Variants in PIKFYVE observed in about 807,000 individuals in gnomAD.
The protein encoded by PIKFYVE is 1-phosphatidylinositol 3-phosphate 5-kinase.
Under a neutral mutation model 257.9 loss-of-function variants are expected in PIKFYVE, and 122 were observed. The ratio of observed to expected loss-of-function variants is 0.47; its 90% confidence interval spans 0.41 to 0.55. PIKFYVE has a LOEUF of 0.55. Among genes scored for constraint, PIKFYVE ranks in the 20% least tolerant of loss-of-function variants. The probability of loss-of-function intolerance (pLI) is 0.00; values close to 1 mark genes in which losing one functional copy is unlikely to be tolerated. For missense variants in PIKFYVE, 2,160 were observed against 2,536.6 expected (o/e 0.85, Z 3.19); for synonymous variants, 892 against 868.9 (o/e 1.03, Z -0.47).
intron 12 of PIKFYVE, among the ~76,000 whole-genome samples, chr2:208,308,800 C>T (rs953843858): frequency 3.3e-5 from 5 of 151,718 alleles, no homozygotes; most frequent in African/African-American, 4.8e-5. Flanking sequence ...CTCCGCCTTC[C>T]GGGTTAAAGT....
At chr2:208,302,038 G>A (rs899371101) in intron 9 of PIKFYVE, among the ~76,000 whole-genome samples, 4 of 152,088 alleles carry the variant, frequency 2.6e-5, no homozygotes, top group African/African-American at 4.8e-5. Flanking sequence ...CTTACCAGTA[G>A]TTTCTTCTCC....
chr2:208,336,853 C>T lies in PIKFYVE; in HGVS notation c.4536C>T (p.Phe1512=), dbSNP rs1415693827. ...TTGGCCACAGGTTGCAGGACCTTTT[C>T]CAACAGGAAAAGGGTAGAAAGAGAC... ...QAWNNRLQDL[F]QQEKGRKRPS... The change falls in exon 28 of 42, where the codon TTC becomes TTT. Residue 1512 remains phenylalanine (F), a synonymous_variant. Transcript: ENST00000264380. The T allele has an allele frequency of 6.2e-7, 1 of 1,612,546 alleles. No individual in the cohort carries two copies. The highest frequency in any genetic ancestry group is 1.3e-5 in the African/African-American group (1 of 74,808).
Position 208,355,890 on chromosome 2 carries a change from T to C in PIKFYVE, c.*585T>C, listed in dbSNP as rs1348816427. 6.5e-6 allele frequency: 1 copy of C among 152,720 alleles called. No individual in the cohort carries two copies. Among genetic ancestry groups the C allele is most frequent in the Non-Finnish European group, 1.5e-5 (1 of 68,100 alleles). The allele number at this position is 152,720 out of a possible 1,614,324, so 9.5% of individuals were successfully genotyped here. The stretch of plus-strand genomic sequence containing the variant: ...GGAATCCTGTCATGTTGTTTATCTT[T>C]CCAGCTTGCCTGTTTTTGAGTATGT... On this transcript the variant is annotated 3_prime_UTR_variant, in exon 42 of 42. Coordinates refer to ENST00000264380, the MANE Select transcript of PIKFYVE (RefSeq NM_015040.4).
At chr2:208,341,433 A>G (rs1370557532) in intron 31 of PIKFYVE, among the ~76,000 whole-genome samples, 1 of 151,032 alleles carries the variant, frequency 6.6e-6, no homozygotes, top group Non-Finnish European at 1.5e-5. Flanking sequence ...CTTCCCCCTT[A>G]CCTCCTGCTC....
chr2:208,335,607 A>G (rs553783367), intron 25 of PIKFYVE, among the ~76,000 whole-genome samples, 186 bp from the exon 26 acceptor site: 18 of 152,348 alleles, frequency 1.2e-4, no homozygotes, highest in African/African-American at 3.6e-4. Flanking sequence ...TCTTTTAGAC[A>G]TAACAACTTA....
intron 17 of PIKFYVE, among the ~76,000 whole-genome samples, chr2:208,321,240 A>G (rs1391005446): frequency 6.6e-6 from 1 of 152,208 alleles, no homozygotes; most frequent in Non-Finnish European, 1.5e-5. Flanking sequence ...TGTATATTAT[A>G]TTATAGTGGA....
At chr2:208,348,868 G>A (rs1699492636) in intron 35 of PIKFYVE, among the ~76,000 whole-genome samples, 2 of 151,766 alleles carry the variant, frequency 1.3e-5, no homozygotes, top group Non-Finnish European at 2.9e-5. Context: ...CCGTGAATTA[G>A]TAGTTTTAAA....
chr2:208,296,176 T>C (rs1341121211), intron 7 of PIKFYVE, among the ~76,000 whole-genome samples: 2 of 152,182 alleles, frequency 1.3e-5, no homozygotes, highest in African/African-American at 4.8e-5. Flanking sequence ...GGCTAATTTT[T>C]GTATTTTTAA....
At chr2:208,305,630 T>C (rs1472672976) in intron 12 of PIKFYVE, 5 of 379,798 alleles carry the variant, frequency 1.3e-5, no homozygotes, top group African/African-American at 2.2e-5. Context: ...TCAAAAGATA[T>C]TTGGTGTAAA....
intron 32 of PIKFYVE, among the ~76,000 whole-genome samples, chr2:208,343,316 C>CT (rs1420722038): frequency 6.6e-6 from 1 of 152,118 alleles, no homozygotes; most frequent in Non-Finnish European, 1.5e-5. Flanking sequence ...ATCTGAATAT[C>CT]TTTTTTGTAC....
intron 3 of PIKFYVE, among the ~76,000 whole-genome samples, chr2:208,275,536 AG>A (rs1689990519): frequency 6.6e-6 from 1 of 152,218 alleles, no homozygotes; most frequent in East Asian, 1.9e-4. Context: ...AACACATCTG[AG>A]GTATGTGCTA....
chr2:208,328,415 T>G (rs916627962), intron 21 of PIKFYVE, 135 bp downstream of exon 21: 4 of 1,047,352 alleles, frequency 3.8e-6, no homozygotes, highest in Admixed American at 2.1e-5. Flanking sequence ...TATGAATTGA[T>G]AGAACTTTTA....
At chr2:208,313,239 A>G (rs894172904) in intron 13 of PIKFYVE, among the ~76,000 whole-genome samples, 7 of 152,116 alleles carry the variant, frequency 4.6e-5, no homozygotes, top group African/African-American at 1.7e-4. Flanking sequence ...TTTAGTGAAC[A>G]TATTTTTTTG....
intron 5 of PIKFYVE, among the ~76,000 whole-genome samples, chr2:208,279,047 C>T (rs2125074842): frequency 6.6e-6 from 1 of 152,296 alleles, no homozygotes; most frequent in East Asian, 1.9e-4. Flanking sequence ...ATTCTCTTTT[C>T]TCTGCAGCTT....
intron 9 of PIKFYVE, among the ~76,000 whole-genome samples, chr2:208,301,640 C>G (rs1184141670): frequency 6.6e-6 from 1 of 152,082 alleles, no homozygotes; most frequent in East Asian, 1.9e-4. Flanking sequence ...GCAGTAAAGC[C>G]CTGGTTGCAA....
chr2:208,340,719 C>T (rs1574713912), intron 31 of PIKFYVE, among the ~76,000 whole-genome samples: 1 of 152,112 alleles, frequency 6.6e-6, no homozygotes, highest in Admixed American at 6.5e-5. Context: ...TATTAACTGA[C>T]TTACATATTT....
At chr2:208,315,003 T>C (rs188992832) in intron 14 of PIKFYVE, among the ~76,000 whole-genome samples, 190 bp from the exon 15 acceptor site, 2 of 152,306 alleles carry the variant, frequency 1.3e-5, no homozygotes, top group East Asian at 1.9e-4. Context: ...GTGGAAGATA[T>C]TCAGATTTCA....
intron 31 of PIKFYVE, among the ~76,000 whole-genome samples, chr2:208,340,820 G>A (rs559672630): frequency 9.9e-5 from 15 of 152,128 alleles, no homozygotes; most frequent in African/African-American, 3.6e-4. Flanking sequence ...TCACTCTTAG[G>A]AGCTCATAAT....
intron 2 of PIKFYVE, among the ~76,000 whole-genome samples, chr2:208,271,954 G>C (rs1277531189): frequency 6.6e-6 from 1 of 152,156 alleles, no homozygotes; most frequent in Non-Finnish European, 1.5e-5. Flanking sequence ...TAAATGTTAG[G>C]CCAGGCGTGA....
Sources: gnomAD v4.1 joint callset for allele counts (sites outside exome capture counted in the v4.1 genomes callset) on GRCh38, gnomAD v4.1.1 for gene constraint, MANE v1.5 for transcripts, NCBI Gene and HGNC (gene_info 2026-07-23, HGNC 2026-07-21) for gene names.